Variants in ASTN1 observed in about 807,000 individuals in gnomAD.
ASTN1 encodes astrotactin-1.
A neutral mutation model predicts 140.7 loss-of-function variants in ASTN1; 41 were observed. The ratio of observed to expected loss-of-function variants is 0.29; its 90% CI spans 0.23 to 0.38. The LOEUF (loss-of-function observed/expected upper bound fraction) is 0.38, where lower values mean the gene tolerates loss of function less well. ASTN1 is among the 10% of genes least tolerant of loss of function. The pLI, the probability that ASTN1 is intolerant of heterozygous loss-of-function variation, is 1.00. For synonymous variants in ASTN1, 640 were observed against 652.2 expected (o/e 0.98, Z 0.29); for missense variants, 1,479 against 1,678.8 (o/e 0.88, Z 2.08).
Position 176,861,722 on chromosome 1 carries a change from G to A in ASTN1, c.*2562C>T. 7.1e-6 allele frequency: 7 copies of A among 985,362 alleles called. No homozygotes were observed. Among genetic ancestry groups the A allele is most frequent in the Non-Finnish European group, 8.4e-6 (7 of 829,956 alleles). 61.0% of individuals were successfully genotyped at this position (985,362 alleles called of 1,614,324 possible). ...TGTACATACATACACACATTCAGTG[G>A]GGAGAACTCAACGAGAAACAGGAGG... On this transcript the variant is annotated 3_prime_UTR_variant, in exon 23 of 23. Coordinates refer to ENST00000361833, the MANE Select transcript of ASTN1 (RefSeq NM_004319.3).
At chr1:176,895,002 G>A (rs137883059) in intron 16 of ASTN1, among the ~76,000 whole-genome samples, 172 bp from the exon 17 acceptor site, 4 of 152,278 alleles carry the variant, frequency 2.6e-5, no homozygotes, top group East Asian at 1.9e-4. Flanking sequence ...ACCTCCCAGC[G>A]ACACACAGAG....
chr1:177,032,259 C>T (rs559668889), intron 3 of ASTN1, among the ~76,000 whole-genome samples, 197 bp downstream of exon 3: 21 of 152,252 alleles, frequency 1.4e-4, no homozygotes, highest in Admixed American at 1.2e-3. Context: ...CCAATTTACA[C>T]GGTTCTTCTG....
At chr1:176,999,270 G>T (rs1393626790) in intron 8 of ASTN1, among the ~76,000 whole-genome samples, 2 of 152,172 alleles carry the variant, frequency 1.3e-5, no homozygotes, top group African/African-American at 4.8e-5. Flanking sequence ...ATCCAAAGAT[G>T]TCTAGGAGCT....
rs373984452 is a variant in ASTN1 at position 177,123,075 on chromosome 1, C to G, written c.283+41319G>C. 2.6e-5 allele frequency among the ~76,000 whole-genome samples: 4 copies of G among 152,278 alleles called. No homozygotes were observed. In the East Asian group the frequency reaches 7.7e-4, roughly 29 times the overall value. On this transcript the variant is annotated intron_variant, in intron 1 of 22. Coordinates refer to ENST00000361833, the MANE Select transcript of ASTN1 (RefSeq NM_004319.3). ...GTTTATTTTAATACCACACATAAGC[C>G]ATATGCAGCGGCACTTGACCACAGG...
intron 1 of ASTN1, among the ~76,000 whole-genome samples, chr1:177,117,081 T>C (rs1048594841): frequency 7.9e-5 from 12 of 152,070 alleles, no homozygotes; most frequent in African/African-American, 2.9e-4. Flanking sequence ...ATTCAGCCAG[T>C]CTAGAAGCAA....
intron 14 of ASTN1, among the ~76,000 whole-genome samples, chr1:176,937,534 G>A (rs1431940892): frequency 6.6e-6 from 1 of 152,030 alleles, no homozygotes; most frequent in African/African-American, 2.4e-5. Flanking sequence ...CACCCTGTTT[G>A]AATTCTAGCC....
intron 8 of ASTN1, among the ~76,000 whole-genome samples, chr1:177,001,830 T>C (rs1317697499): frequency 1.3e-5 from 2 of 152,210 alleles, no homozygotes; most frequent in African/African-American, 2.4e-5. Flanking sequence ...ATTCAACTCC[T>C]CATAGGTTTT....
At position 177,061,098 on chromosome 1, in the gene ASTN1, TC is replaced by T. The variant is rs765520629; in HGVS notation, c.450del (p.Ile151SerfsTer10). 6.2e-7 allele frequency: 1 copy of T among 1,606,826 alleles called. No homozygotes were observed. The highest frequency in any genetic ancestry group is 8.5e-7 in the Non-Finnish European group (1 of 1,176,612). ...PQHESAEEEL[R>X]ILHISVMGGM... ...CTTACCATGACTGAGATGTGGAGGA[TC>T]CTCAGCTCCTCTTCTGCCGACTCAT... is the stretch of plus-strand genomic sequence containing the variant. On this transcript the variant is annotated frameshift_variant, in exon 2 of 23. Coordinates refer to ENST00000361833, the MANE Select transcript of ASTN1 (RefSeq NM_004319.3). LOFTEE classifies it high-confidence loss of function.
At chr1:177,058,420 A>G (rs1677914080) in intron 2 of ASTN1, among the ~76,000 whole-genome samples, 1 of 152,152 alleles carries the variant, frequency 6.6e-6, no homozygotes, top group South Asian at 2.1e-4. Flanking sequence ...AGCTGAAGGA[A>G]TAATCTCTTC....
At chr1:177,046,261 A>G (rs746444417) in intron 2 of ASTN1, among the ~76,000 whole-genome samples, 1 of 152,234 alleles carries the variant, frequency 6.6e-6, no homozygotes, top group Non-Finnish European at 1.5e-5. Context: ...ACACAATGTA[A>G]GTTGAGTGAG....
intron 9 of ASTN1, among the ~76,000 whole-genome samples, chr1:176,960,330 A>T (rs562809028): frequency 6.6e-6 from 1 of 152,360 alleles, no homozygotes; most frequent in South Asian, 2.1e-4. Flanking sequence ...AGGAGGAGGC[A>T]GCTTATTGAA....
At chr1:176,988,460 T>A (rs1215278764) in intron 8 of ASTN1, among the ~76,000 whole-genome samples, 1 of 152,190 alleles carries the variant, frequency 6.6e-6, no homozygotes, top group Non-Finnish European at 1.5e-5. Context: ...AAATGAACTC[T>A]TATCCCTAGT....
At chr1:177,036,307 A>G (rs1676718475) in intron 2 of ASTN1, among the ~76,000 whole-genome samples, 1 of 151,976 alleles carries the variant, frequency 6.6e-6, no homozygotes, top group African/African-American at 2.4e-5. Context: ...TCAGCCTCCC[A>G]AAGTGCTGGG....
chr1:177,114,383 A>T (rs1231827385), intron 1 of ASTN1, among the ~76,000 whole-genome samples: 1 of 152,206 alleles, frequency 6.6e-6, no homozygotes, highest in Admixed American at 6.5e-5. Flanking sequence ...ATCCTAAGCC[A>T]CATGGGCAAT....
At chr1:177,135,201 G>A (rs1682133126) in intron 1 of ASTN1, among the ~76,000 whole-genome samples, 1 of 152,026 alleles carries the variant, frequency 6.6e-6, no homozygotes, top group African/African-American at 2.4e-5. Flanking sequence ...CACATCAGTA[G>A]TGGCCCTGAA....
chr1:176,956,777 G>C (rs1446183934), intron 11 of ASTN1, among the ~76,000 whole-genome samples: 1 of 152,200 alleles, frequency 6.6e-6, no homozygotes, highest in Non-Finnish European at 1.5e-5. Context: ...AAAGGAGCCA[G>C]CAGCTAAAGG....
intron 20 of ASTN1, among the ~76,000 whole-genome samples, chr1:176,878,224 G>A (rs1668645639): frequency 6.6e-6 from 1 of 152,150 alleles, no homozygotes; most frequent in Non-Finnish European, 1.5e-5. Context: ...CAGGACTCCT[G>A]CCCCTCCTTG....
intron 16 of ASTN1, among the ~76,000 whole-genome samples, chr1:176,911,136 G>A (rs1275817189): frequency 1.3e-5 from 2 of 152,174 alleles, no homozygotes; most frequent in African/African-American, 4.8e-5. Context: ...TCTAAACATA[G>A]AAAAGGTACT....
At chr1:177,162,286 CA>C (rs1485089732) in intron 1 of ASTN1, among the ~76,000 whole-genome samples, 1 of 152,208 alleles carries the variant, frequency 6.6e-6, no homozygotes, top group Non-Finnish European at 1.5e-5. Flanking sequence ...TTCCTTTGAG[CA>C]TACTGAGTCA....
Sources: allele counts gnomAD v4.1 joint callset (sites outside exome capture counted in the v4.1 genomes callset), GRCh38; gene constraint gnomAD v4.1.1; transcripts MANE v1.5; gene names NCBI Gene and HGNC (gene_info 2026-07-23, HGNC 2026-07-21).